The following VCAN variants were observed in gnomAD, a reference collection of about 807,000 sequenced individuals.
The protein encoded by VCAN is versican core protein.
VCAN carries 44 observed loss-of-function variants against 245.5 expected under a neutral mutation model. The ratio of observed to expected loss-of-function variants is 0.18; its 90% CI spans 0.14 to 0.23. The LOEUF (loss-of-function observed/expected upper bound fraction) is 0.23, where lower values mean the gene tolerates loss of function less well. Among genes scored for constraint, VCAN ranks in the 10% least tolerant of loss-of-function variants. The probability of loss-of-function intolerance (pLI) is 1.00; values close to 1 mark genes in which losing one functional copy is unlikely to be tolerated. For missense variants in VCAN, 3,793 were observed against 4,057.9 expected (o/e 0.93, Z 1.77); for synonymous variants, 1,413 against 1,437.0 (o/e 0.98, Z 0.38).
chr5:83,491,697 A>G (rs930750112), intron 3 of VCAN, among the ~76,000 whole-genome samples: 5 of 152,150 alleles, frequency 3.3e-5, no homozygotes, highest in African/African-American at 1.2e-4. Flanking sequence ...GAAACAATGA[A>G]AATCCTCCAC....
chr5:83,492,396 ACT>A (rs985266590), intron 3 of VCAN, among the ~76,000 whole-genome samples: 3 of 152,134 alleles, frequency 2.0e-5, no homozygotes, highest in African/African-American at 7.2e-5. Flanking sequence ...AAATGGGATG[ACT>A]CTTAATAAAA....
At chr5:83,517,487 T>A (rs1316863091) in intron 6 of VCAN, among the ~76,000 whole-genome samples, 1 of 152,208 alleles carries the variant, frequency 6.6e-6, no homozygotes, top group African/African-American at 2.4e-5. Flanking sequence ...TTTTTCTGTA[T>A]GTATCTTTTT....
intron 13 of VCAN, among the ~76,000 whole-genome samples, chr5:83,577,599 G>C (rs1029047370): frequency 2.6e-5 from 4 of 152,034 alleles, no homozygotes; most frequent in African/African-American, 7.2e-5. Flanking sequence ...TGCCTCAACA[G>C]CCTTAATTTT....
chr5:83,539,839 T>A lies in VCAN; in HGVS notation c.6836T>A (p.Ile2279Asn). 1 of 1,613,974 alleles carries A rather than the reference T, an allele frequency of 6.2e-7. No individual in the cohort carries two copies. The highest frequency in any genetic ancestry group is 8.5e-7 in the Non-Finnish European group (1 of 1,179,988). ...ESVNFTEVEQ[I>N]NNTLYPHTSQ... is the part of the protein sequence containing the mutation. Reference sequence around the variant, plus strand: ...GTGAATTTTACTGAAGTGGAACAAATCAATAACACATTATATCCCCACACT... The same window carrying A: ...GTGAATTTTACTGAAGTGGAACAAAACAATAACACATTATATCCCCACACT... The change falls in exon 8 of 15, where the codon ATC becomes AAC. Residue 2279 changes from isoleucine to asparagine, a missense_variant. Physicochemically the swap from Ile to Asn is moderately radical, Grantham distance 149. Coordinates refer to ENST00000265077, the MANE Select transcript of VCAN (RefSeq NM_004385.5).
intron 7 of VCAN, among the ~76,000 whole-genome samples, chr5:83,530,893 G>A (rs79569053): frequency 0.043 from 6,497 of 152,124 alleles, 500 homozygotes; most frequent in African/African-American, 0.15. Flanking sequence ...TCATCTGAGA[G>A]CTCATTTGAT....
In VCAN at chr5:83,521,751, G is replaced by A. The variant is rs1746111558; in HGVS notation, c.3445G>A (p.Gly1149Arg). ...KYETEGSSTTGFTSSLSPFST... is the reference protein window; with the variant it reads ...KYETEGSSTTRFTSSLSPFST... ...TGAAACAGAAGGTAGTAGTACAACA[G>A]GATTTACATCATCTTTGAGTCCTTT... is the stretch of plus-strand genomic sequence containing the variant. Residue 1149 changes from glycine to arginine, a missense_variant, in exon 7 of 15, where the codon GGA becomes AGA. Physicochemically the swap from Gly to Arg is moderately radical, Grantham distance 125. This residue lies in a region of VCAN where 3,182 missense variants were observed against 3,250.3 expected (regional missense o/e 0.98). Coordinates refer to ENST00000265077, the MANE Select transcript of VCAN (RefSeq NM_004385.5). The A allele has an allele frequency of 6.2e-7, 1 of 1,613,986 alleles. No homozygotes were observed. The highest frequency in any genetic ancestry group is 8.5e-7 in the Non-Finnish European group (1 of 1,180,016).
At chr5:83,522,476 A>G (rs556737240) in intron 7 of VCAN, among the ~76,000 whole-genome samples, 167 bp downstream of exon 7, 4 of 152,374 alleles carry the variant, frequency 2.6e-5, no homozygotes, top group Non-Finnish European at 5.9e-5. Context: ...TTGGAAGAAT[A>G]TGTTAAACAA....
chr5:83,513,042 CA>C (rs1179680632), intron 6 of VCAN: 12 of 152,164 alleles, frequency 7.9e-5, no homozygotes, highest in Admixed American at 6.5e-4. Flanking sequence ...TACTAATTAA[CA>C]TTTTTTTTTA....
rs1195529764 is a variant in VCAN, at chr5:83,521,861, T to C, written c.3555T>C (p.Phe1185=). 6.2e-7 allele frequency: 1 copy of C among 1,614,120 alleles called. No homozygotes were observed. The highest frequency in any genetic ancestry group is 8.5e-7 in the Non-Finnish European group (1 of 1,180,022). ...LEDIDLGSGL[F]EKPKATELIE... is the part of the protein sequence containing the mutation. ...ATATTGATTTAGGCTCAGGATTATT[T>C]GAAAAGCCCAAAGCCACAGAACTCA... Residue 1185 remains phenylalanine, a synonymous_variant, in exon 7 of 15, where the codon TTT becomes TTC. Transcript: ENST00000265077.
At chr5:83,561,316 T>C (rs554146734) in intron 12 of VCAN, among the ~76,000 whole-genome samples, 1 of 152,200 alleles carries the variant, frequency 6.6e-6, no homozygotes, top group South Asian at 2.1e-4. Context: ...TTCATAAATA[T>C]CTTATTTTCT....
chr5:83,524,809 C>A (rs894504183), intron 7 of VCAN, among the ~76,000 whole-genome samples: 4 of 152,050 alleles, frequency 2.6e-5, no homozygotes, highest in Admixed American at 6.5e-5. Flanking sequence ...CAGGTGTATA[C>A]CTTAATAAGG....
intron 1 of VCAN, among the ~76,000 whole-genome samples, chr5:83,475,317 C>G (rs1446023475): frequency 6.6e-6 from 1 of 152,198 alleles, no homozygotes; most frequent in Non-Finnish European, 1.5e-5. Context: ...TAAGTCCTCC[C>G]ATTTTGCTGC....
chr5:83,555,180 T>A (rs577222978), intron 12 of VCAN, 142 bp downstream of exon 12: 1 of 804,342 alleles, frequency 1.2e-6, no homozygotes, highest in South Asian at 1.5e-5. Context: ...CAGAGAAGGG[T>A]TAGAAGAGTT....
At chr5:83,509,067 G>GAGAAAGAAAGA (rs1561237366) in intron 5 of VCAN, among the ~76,000 whole-genome samples, 1 of 82,568 alleles carries the variant, frequency 1.2e-5, no homozygotes, top group African/African-American at 4.6e-5. Flanking sequence ...AGAAAGAAAA[G>GAGAAAGAAAGA]AAAGAAAGAA....
At chr5:83,559,134 C>G (rs566882895) in intron 12 of VCAN, among the ~76,000 whole-genome samples, 45 of 152,252 alleles carry the variant, frequency 3.0e-4, no homozygotes, top group African/African-American at 1.0e-3. Context: ...GTAATATCTT[C>G]AAAGACACTC....
At chr5:83,512,007 T>C in intron 5 of VCAN, 96 bp from the exon 6 acceptor site, 1 of 1,532,872 alleles carries the variant, frequency 6.5e-7, no homozygotes, top group Non-Finnish European at 8.9e-7. Flanking sequence ...GAAAAAGTAT[T>C]ACATGCTCCT....
At chr5:83,571,544 C>T (rs997307239) in intron 12 of VCAN, among the ~76,000 whole-genome samples, 3 of 151,702 alleles carry the variant, frequency 2.0e-5, no homozygotes, top group African/African-American at 7.3e-5. Flanking sequence ...TATTATTGCT[C>T]AGAGTAGGAT....
chr5:83,579,822 C>T (rs968313837), intron 13 of VCAN, among the ~76,000 whole-genome samples, 158 bp from the exon 14 acceptor site: 1 of 152,140 alleles, frequency 6.6e-6, no homozygotes, highest in Admixed American at 6.5e-5. Context: ...CTCAACATTA[C>T]ATTTTCTTTT....
At chr5:83,510,456 C>G (rs1213432390) in intron 5 of VCAN, among the ~76,000 whole-genome samples, 1 of 152,122 alleles carries the variant, frequency 6.6e-6, no homozygotes, top group Non-Finnish European at 1.5e-5. Context: ...TCCCAGTTGT[C>G]TAATATATCA....
Sources: gnomAD v4.1 joint callset for allele counts (sites outside exome capture counted in the v4.1 genomes callset) on GRCh38, gnomAD v4.1.1 for gene constraint, gnomAD v4.1.1 regional missense constraint, MANE v1.5 for transcripts, NCBI Gene and HGNC (gene_info 2026-07-23, HGNC 2026-07-21) for gene names.